Variants in MCTP2 observed in about 807,000 individuals in gnomAD.
MCTP2 encodes the protein multiple C2 and transmembrane domain containing 2.
Under a neutral mutation model 111.6 loss-of-function variants are expected in MCTP2, and 132 were observed. That is an observed-to-expected ratio of 1.18 (90% CI 1.03 to 1.37). MCTP2 has a LOEUF of 1.37. Ranked by LOEUF, MCTP2 falls within the 40% of genes most tolerant of loss-of-function variation. The pLI is 0.00. For missense variants in MCTP2, 1,183 were observed against 1,067.9 expected (o/e 1.11, Z -1.50); for synonymous variants, 395 against 387.7 (o/e 1.02, Z -0.22).
At chr15:94,367,840 T>C (rs752063751) in intron 11 of MCTP2, 49 bp downstream of exon 11, 9 of 1,482,198 alleles carry the variant, frequency 6.1e-6, no homozygotes, top group Non-Finnish European at 8.2e-6. Context: ...ACCTTCTCTT[T>C]TAAAACAAAG....
At chr15:94,455,805 TAACA>T (rs2084798688) in intron 19 of MCTP2, among the ~76,000 whole-genome samples, 1 of 152,184 alleles carries the variant, frequency 6.6e-6, no homozygotes, top group East Asian at 1.9e-4. Context: ...AGGTGATTAA[TAACA>T]ATTTCGTGCA....
At chr15:94,326,808 T>TCCCCCCTCCCCCCCC (rs1170531750) in intron 4 of MCTP2, among the ~76,000 whole-genome samples, 1 of 39,450 alleles carries the variant, frequency 2.5e-5, no homozygotes, top group Non-Finnish European at 5.3e-5. Flanking sequence ...CCTCAGGTGA[T>TCCCCCCTCCCCCCCC]CCCCGCCCCA....
At chr15:94,241,710 T>C (rs2063642165) in intron 1 of MCTP2, among the ~76,000 whole-genome samples, 1 of 152,130 alleles carries the variant, frequency 6.6e-6, no homozygotes, top group African/African-American at 2.4e-5. Flanking sequence ...TTTGTGGAGA[T>C]GGTCTAGTTT....
At chr15:94,234,675 G>C (rs2070417493) in intron 1 of MCTP2, among the ~76,000 whole-genome samples, 2 of 152,190 alleles carry the variant, frequency 1.3e-5, no homozygotes, top group Non-Finnish European at 2.9e-5. Flanking sequence ...GACTTTCCAG[G>C]TTGGTTTGTT....
intron 19 of MCTP2, among the ~76,000 whole-genome samples, chr15:94,455,424 A>G (rs1220923731): frequency 6.6e-6 from 1 of 151,682 alleles, no homozygotes; most frequent in African/African-American, 2.4e-5. Context: ...CTAAGTGCTC[A>G]TAGACAGTGT....
chr15:94,389,116 A>G (rs568466072), intron 14 of MCTP2, among the ~76,000 whole-genome samples: 1 of 152,200 alleles, frequency 6.6e-6, no homozygotes, highest in Non-Finnish European at 1.5e-5. Flanking sequence ...AGTAGGACGG[A>G]TGGGTTTAAG....
intron 2 of MCTP2, among the ~76,000 whole-genome samples, chr15:94,306,748 G>C (rs1342542245): frequency 6.6e-6 from 1 of 152,196 alleles, no homozygotes; most frequent in African/African-American, 2.4e-5. Context: ...TTGGCAGTTG[G>C]AGTTGTGAAT....
chr15:94,331,672 A>G (rs997549441), intron 4 of MCTP2, among the ~76,000 whole-genome samples: 8 of 152,210 alleles, frequency 5.3e-5, no homozygotes, highest in Admixed American at 3.9e-4. Context: ...TTCGCTGTAT[A>G]TTGGTCATTG....
intron 4 of MCTP2, among the ~76,000 whole-genome samples, chr15:94,317,093 ATAACC>A (rs1421905679): frequency 6.6e-6 from 1 of 151,950 alleles, no homozygotes; most frequent in African/African-American, 2.4e-5. Flanking sequence ...TTTCATTTTT[ATAACC>A]TATTTTGTTT....
intron 12 of MCTP2, among the ~76,000 whole-genome samples, chr15:94,378,276 C>G (rs976277761): frequency 1.3e-5 from 2 of 151,870 alleles, no homozygotes; most frequent in Non-Finnish European, 2.9e-5. Flanking sequence ...AATTTCAACA[C>G]TTTAAGAGGA....
chr15:94,354,783 G>A (rs1596456522), intron 8 of MCTP2, among the ~76,000 whole-genome samples: 1 of 152,136 alleles, frequency 6.6e-6, no homozygotes, highest in Non-Finnish European at 1.5e-5. Flanking sequence ...GCCTGGGTTC[G>A]ATGAGGTAAG....
intron 18 of MCTP2, 142 bp downstream of exon 18, chr15:94,440,440 G>A: frequency 1.0e-6 from 1 of 958,710 alleles, no homozygotes. Context: ...TTTTGCAGTG[G>A]AGGTCTTCTA....
chr15:94,375,574 A>T (rs2079723687), intron 12 of MCTP2, among the ~76,000 whole-genome samples: 1 of 152,166 alleles, frequency 6.6e-6, no homozygotes, highest in Non-Finnish European at 1.5e-5. Flanking sequence ...TTAAAAACAA[A>T]CAAACAAACA....
At chr15:94,293,617 A>C (rs552540678) in intron 1 of MCTP2, among the ~76,000 whole-genome samples, 2 of 152,218 alleles carry the variant, frequency 1.3e-5, no homozygotes, top group Non-Finnish European at 2.9e-5. Flanking sequence ...CACTGCAGGG[A>C]TCTTTCCCAA....
At position 94,251,609 on chromosome 15, in the gene MCTP2, TC is replaced by T. The variant is rs547215763; in HGVS notation, c.-66+19946del. Among the ~76,000 whole-genome samples, 488 of 152,290 alleles carry T rather than the reference TC, an allele frequency of 3.2e-3. 1 individual carries two copies. Among genetic ancestry groups the T allele is most frequent in the African/African-American group, 0.011 (459 of 41,560 alleles). The stretch of plus-strand genomic sequence containing the variant: ...CCCGACGTCGGGTGATCCACCTGCC[TC>T]GGCCTCCCAAAGTGCTGGGATTATA... On this transcript the variant is annotated intron_variant, in intron 1 of 22. Coordinates refer to ENST00000357742, the MANE Select transcript of MCTP2 (RefSeq NM_001385001.1).
intron 14 of MCTP2, among the ~76,000 whole-genome samples, chr15:94,390,106 A>ACG (rs1567603325): frequency 0.023 from 684 of 29,956 alleles, 27 homozygotes; most frequent in Middle Eastern, 0.06. Context: ...ATATATATAT[A>ACG]TATATATGTA....
intron 21 of MCTP2, among the ~76,000 whole-genome samples, chr15:94,471,813 G>A (rs780674510): frequency 6.8e-6 from 1 of 146,442 alleles, no homozygotes; most frequent in Non-Finnish European, 1.5e-5. Context: ...AATGTTATTT[G>A]CATCAACTGG....
chr15:94,243,193 A>G (rs62647208), intron 1 of MCTP2, among the ~76,000 whole-genome samples: 26,975 of 93,734 alleles, frequency 0.29, 7,556 homozygotes, highest in Non-Finnish European at 0.35. Flanking sequence ...GTATGCGTAT[A>G]TACGTATGCG....
At chr15:94,330,544 C>A (rs924390055) in intron 4 of MCTP2, among the ~76,000 whole-genome samples, 3 of 151,846 alleles carry the variant, frequency 2.0e-5, no homozygotes, top group African/African-American at 4.8e-5. Context: ...TTTCTAGTCT[C>A]TTTTTATTGT....
Sources: gnomAD v4.1 joint callset for allele counts (sites outside exome capture counted in the v4.1 genomes callset) on GRCh38, gnomAD v4.1.1 for gene constraint, MANE v1.5 for transcripts, NCBI Gene and HGNC (gene_info 2026-07-23, HGNC 2026-07-21) for gene names.